The following FXR2 variants were observed in gnomAD, a reference collection of about 807,000 sequenced individuals.
FXR2 encodes the protein RNA-binding protein FXR2.
Under a neutral mutation model 87.3 loss-of-function variants are expected in FXR2, and 9 were observed. The observed-to-expected ratio is 0.10, with a 90% confidence interval of 0.06 to 0.18. The LOEUF (loss-of-function observed/expected upper bound fraction) is 0.18, where lower values mean the gene tolerates loss of function less well. Ranked by LOEUF, FXR2 falls within the 10% of genes least tolerant of loss-of-function variation. FXR2 has a pLI of 1.00. For synonymous variants in FXR2, 331 were observed against 328.3 expected (o/e 1.01, Z -0.09); for missense variants, 661 against 893.6 (o/e 0.74, Z 3.32).
At chr17:7,599,895 G>T (rs983336113) in intron 7 of FXR2, among the ~76,000 whole-genome samples, 1 of 152,054 alleles carries the variant, frequency 6.6e-6, no homozygotes, top group African/African-American at 2.4e-5. Flanking sequence ...AAAAAAACAA[G>T]AAATATCCTT....
At chr17:7,609,926 A>G (rs2071836910) in intron 1 of FXR2, among the ~76,000 whole-genome samples, 1 of 122,574 alleles carries the variant, frequency 8.2e-6, no homozygotes, top group South Asian at 2.3e-4. Context: ...ATATACATGT[A>G]TATGTATATA....
chr17:7,593,902 C>T lies in FXR2; in HGVS notation c.1107+16G>A. Reference sequence around the variant, plus strand: ...CCCTTTTCACACCCAGCATTTTTCTCTCCCGGCCTGGGTACCTGCAGGTAG... The same window carrying T: ...CCCTTTTCACACCCAGCATTTTTCTTTCCCGGCCTGGGTACCTGCAGGTAG... On this transcript the variant is annotated intron_variant, in intron 11 of 16. Transcript: ENST00000250113. The surrounding 1 kb of genome is among the most constrained non-coding windows in gnomAD (Gnocchi z 6.1). The T allele has an allele frequency of 1.3e-6, 2 of 1,544,988 alleles. No homozygotes were observed. The highest frequency in any genetic ancestry group is 1.8e-6 in the Non-Finnish European group (2 of 1,117,026).
Position 7,593,640 on chromosome 17 carries a change from G to T in FXR2, c.1108-15C>A. On this transcript the variant is annotated splice_polypyrimidine_tract_variant and intron_variant, in intron 11 of 16. Coordinates refer to ENST00000250113, the MANE Select transcript of FXR2 (RefSeq NM_004860.4). The surrounding 1 kb of genome is among the most constrained non-coding windows in gnomAD (Gnocchi z 6.1). ...TGCTCTACCTCCTGGTTGGGTAAAA[G>T]ATGGAAGAAGGGGAAGGAGAAATAA... 6.5e-7 allele frequency: 1 copy of T among 1,530,960 alleles called. No homozygotes were observed. Among genetic ancestry groups the T allele is most frequent in the Non-Finnish European group, 8.9e-7 (1 of 1,125,092 alleles). 94.8% of individuals were successfully genotyped at this position (1,530,960 alleles called of 1,614,324 possible).
At chr17:7,614,100 T>G in intron 1 of FXR2, 2 of 513,768 alleles carry the variant, frequency 3.9e-6, no homozygotes, top group Non-Finnish European at 7.5e-6. Context: ...GAAGATGTGA[T>G]TAAGGTCTAA....
intron 7 of FXR2, among the ~76,000 whole-genome samples, chr17:7,596,724 A>G (rs1027244047): frequency 6.6e-6 from 1 of 152,252 alleles, no homozygotes; most frequent in Non-Finnish European, 1.5e-5. Context: ...TACTTCTCAC[A>G]AGGTACATGC....
In FXR2 at chr17:7,606,130, T is replaced by C. The variant is rs1418171300; in HGVS notation, c.101A>G (p.His34Arg). ...AFYKGFVKDVHEDSVTIFFEN... is the reference protein window; with the variant it reads ...AFYKGFVKDVREDSVTIFFEN... ...AAAGAAGATGGTGACAGAGTCTTCA[T>C]GGACATCCTTCACAAAGCCCTAGAA... Residue 34 changes from histidine to arginine, a missense_variant, in exon 2 of 17, where the codon CAT becomes CGT. By Grantham distance (29) the His-to-Arg change is conservative. Coordinates refer to ENST00000250113, the MANE Select transcript of FXR2 (RefSeq NM_004860.4). 4 of 1,546,458 alleles carry C rather than the reference T, an allele frequency of 2.6e-6. No homozygotes were observed. Among genetic ancestry groups the C allele is most frequent in the East Asian group, 2.4e-5 (1 of 40,958 alleles).
At chr17:7,607,405 T>C (rs924250441) in intron 1 of FXR2, among the ~76,000 whole-genome samples, 5 of 152,274 alleles carry the variant, frequency 3.3e-5, no homozygotes, top group African/African-American at 1.2e-4. Flanking sequence ...CTTAAACTTT[T>C]AGTTTTTTGT....
At chr17:7,602,441 G>T (rs183074888) in intron 6 of FXR2, among the ~76,000 whole-genome samples, 1 of 152,126 alleles carries the variant, frequency 6.6e-6, no homozygotes, top group African/African-American at 2.4e-5. Flanking sequence ...AATGGCAGGC[G>T]CCTGTAATCC....
At chr17:7,609,957 T>C (rs1476194803) in intron 1 of FXR2, among the ~76,000 whole-genome samples, 1 of 60,760 alleles carries the variant, frequency 1.6e-5, no homozygotes, top group Admixed American at 1.6e-4. Flanking sequence ...TATGTATACA[T>C]ATATATACAT....
At chr17:7,611,135 T>TGTAGAAATCTCTCC (rs2071860533) in intron 1 of FXR2, among the ~76,000 whole-genome samples, 3 of 151,842 alleles carry the variant, frequency 2.0e-5, no homozygotes, top group Non-Finnish European at 4.4e-5. Context: ...TTTGGGAGAG[T>TGTAGAAATCTCTCC]ACAACTTAAA....
In FXR2 at chr17:7,614,623, AGGAGCCGGAGGG is replaced by A. The variant is rs1028428839; in HGVS notation, c.-103_-92del. On this transcript the variant is annotated 5_prime_UTR_variant, in exon 1 of 17. Transcript: ENST00000250113. ...CAGGCCCCCGGCGTCTCCCCGGAGG[AGGAGCCGGAGGG>A]GGAGCCGCGGGGGGCGGGAGCCGGG... 44 of 735,412 alleles carry A rather than the reference AGGAGCCGGAGGG, an allele frequency of 6.0e-5. No homozygotes were observed. Among genetic ancestry groups the A allele is most frequent in the East Asian group, 2.1e-4 (6 of 28,354 alleles). The allele number at this position is 735,412 out of a possible 1,614,324, so 45.6% of individuals were successfully genotyped here.
Position 7,591,780 on chromosome 17 carries a change from G to A in FXR2, c.*50C>T, listed in dbSNP as rs374532252. ...GTCAGTTGGGCCTGTGAGGGCCATG[G>A]TGTTGGGCAGCAAGCGAGATGGAGA... On this transcript the variant is annotated 3_prime_UTR_variant, in exon 17 of 17. Coordinates refer to ENST00000250113, the MANE Select transcript of FXR2 (RefSeq NM_004860.4). This position sits in a 1 kb window ranked among gnomAD's most constrained non-coding sequence, Gnocchi z 4.0. 30 of 988,856 alleles carry A rather than the reference G, an allele frequency of 3.0e-5. No homozygotes were observed. The highest frequency in any genetic ancestry group is 4.6e-5 in the Non-Finnish European group (28 of 613,200). 61.3% of individuals were successfully genotyped at this position (988,856 alleles called of 1,614,324 possible).
At chr17:7,605,108 C>T (rs1318135132) in intron 3 of FXR2, among the ~76,000 whole-genome samples, 1 of 147,938 alleles carries the variant, frequency 6.8e-6, no homozygotes, top group Non-Finnish European at 1.5e-5. Flanking sequence ...GTGGCTCATG[C>T]CTGTAATCCC....
chr17:7,606,026 T>C, intron 2 of FXR2, 71 bp downstream of exon 2: 2 of 1,009,674 alleles, frequency 2.0e-6, no homozygotes, highest in South Asian at 1.4e-5. Flanking sequence ...CTCATAGGAC[T>C]CAGCTGCCCC....
chr17:7,609,931 T>TATACATATATACATGTATATGTATAC (rs771827089), intron 1 of FXR2, among the ~76,000 whole-genome samples: 2 of 86,882 alleles, frequency 2.3e-5, no homozygotes, highest in Admixed American at 2.7e-4. Context: ...CATGTATATG[T>TATACATATATACATGTATATGTATAC]ATATATATAC....
chr17:7,594,448 C>T lies in FXR2; in HGVS notation c.911-101G>A, dbSNP rs1331071251. On this transcript the variant is annotated intron_variant, in intron 9 of 16. Transcript: ENST00000250113. The surrounding 1 kb of genome is among the most constrained non-coding windows in gnomAD (Gnocchi z 5.1). Reference sequence around the variant, plus strand: ...CAGCCTCATTTTCTTTATATGGATTCCATTTACTTCATTCTCCTGCTTCTA... The same window carrying T: ...CAGCCTCATTTTCTTTATATGGATTTCATTTACTTCATTCTCCTGCTTCTA... The T allele has an allele frequency of 2.3e-5, 17 of 736,676 alleles. No individual in the cohort carries two copies. The highest frequency in any genetic ancestry group is 3.5e-5 in the Non-Finnish European group (15 of 430,264). The allele number at this position is 736,676 out of a possible 1,614,324, so 45.6% of individuals were successfully genotyped here.
chr17:7,611,477 G>C (rs536628106), intron 1 of FXR2, among the ~76,000 whole-genome samples: 1 of 152,128 alleles, frequency 6.6e-6, no homozygotes, highest in Non-Finnish European at 1.5e-5. Flanking sequence ...AAACCAGCCT[G>C]GCCAACATAG....
chr17:7,609,024 A>C (rs549415664), intron 1 of FXR2, among the ~76,000 whole-genome samples: 1 of 152,322 alleles, frequency 6.6e-6, no homozygotes, highest in Admixed American at 6.5e-5. Flanking sequence ...TGGGAGGATC[A>C]CTTGAGCCAG....
chr17:7,591,890 C>T lies in FXR2; in HGVS notation c.1962G>A (p.Ser654=), dbSNP rs763209361. 4 of 1,606,384 alleles carry T rather than the reference C, an allele frequency of 2.5e-6. No individual in the cohort carries two copies. The highest frequency in any genetic ancestry group is 2.2e-5 in the East Asian group (1 of 44,870). The change falls in exon 17 of 17, where the codon TCG becomes TCA. Residue 654 remains serine, a synonymous_variant. Coordinates refer to ENST00000250113, the MANE Select transcript of FXR2 (RefSeq NM_004860.4). The surrounding 1 kb of genome is among the most constrained non-coding windows in gnomAD (Gnocchi z 4.0). ...AGGGGGCGGAGAGCTCCCCATTCTC[C>T]GAGGGGCCCTTAGGAAGCTTGCTGA... The part of the protein sequence containing the change: ...DSVSKLPKGP[S]ENGELSAPLE...
Sources: gnomAD v4.1 joint callset for allele counts (sites outside exome capture counted in the v4.1 genomes callset) on GRCh38, gnomAD v4.1.1 for gene constraint, Gnocchi (gnomAD v3.1) non-coding constraint, MANE v1.5 for transcripts, NCBI Gene and HGNC (gene_info 2026-07-23, HGNC 2026-07-21) for gene names.